The following RALGPS2 variants were observed in gnomAD, a reference collection of about 807,000 sequenced individuals.
RALGPS2 encodes Ral GEF with PH domain and SH3 binding motif 2, also known as ras-specific guanine nucleotide-releasing factor RalGPS2.
In RALGPS2, 43 loss-of-function variants were observed where a neutral mutation model predicts 86.8. The ratio of observed to expected loss-of-function variants is 0.50; its 90% CI spans 0.39 to 0.64. The LOEUF (loss-of-function observed/expected upper bound fraction) is 0.64. Among genes scored for constraint, RALGPS2 ranks in the 30% least tolerant of loss-of-function variants. The pLI is 0.00. For missense variants in RALGPS2, 536 were observed against 694.6 expected (o/e 0.77, Z 2.57); for synonymous variants, 243 against 231.3 (o/e 1.05, Z -0.46).
chr1:178,868,204 A>G (rs1486627338), intron 8 of RALGPS2, among the ~76,000 whole-genome samples: 1 of 151,952 alleles, frequency 6.6e-6, no homozygotes, highest in Non-Finnish European at 1.5e-5. Flanking sequence ...ATAGACTTTT[A>G]CTATGTAGGA....
At chr1:178,901,803 G>GA (rs1248421744) in intron 17 of RALGPS2, among the ~76,000 whole-genome samples, 5 of 151,318 alleles carry the variant, frequency 3.3e-5, no homozygotes, top group Admixed American at 6.6e-5. Flanking sequence ...CAGTAATTCA[G>GA]AAAAAAAACA....
At chr1:178,810,926 G>C (rs985968557) in intron 5 of RALGPS2, among the ~76,000 whole-genome samples, 1 of 151,878 alleles carries the variant, frequency 6.6e-6, no homozygotes, top group African/African-American at 2.4e-5. Context: ...ATTCAGAGTA[G>C]AGCATTATCA....
chr1:178,853,566 T>C, intron 8 of RALGPS2: 1 of 1,496,428 alleles, frequency 6.7e-7, no homozygotes, highest in Non-Finnish European at 8.9e-7. Flanking sequence ...TTTGTTTTAC[T>C]TCCCTTAGGT....
At chr1:178,797,616 A>G (rs1654257929) in intron 4 of RALGPS2, among the ~76,000 whole-genome samples, 1 of 152,202 alleles carries the variant, frequency 6.6e-6, no homozygotes, top group Non-Finnish European at 1.5e-5. Context: ...AGTCCCATTT[A>G]CTTACTCTTC....
intron 1 of RALGPS2, among the ~76,000 whole-genome samples, chr1:178,750,405 C>T (rs1285057768): frequency 6.6e-6 from 1 of 152,242 alleles, no homozygotes; most frequent in East Asian, 1.9e-4. Context: ...CCACCAGTGT[C>T]TCCTCTTTGG....
At chr1:178,910,270 T>C (rs1353860822) in intron 19 of RALGPS2, among the ~76,000 whole-genome samples, 1 of 152,174 alleles carries the variant, frequency 6.6e-6, no homozygotes, top group Non-Finnish European at 1.5e-5. Context: ...GTCTGATTGC[T>C]CTGGCTGGGA....
At chr1:178,740,461 A>T (rs1369208647) in intron 1 of RALGPS2, among the ~76,000 whole-genome samples, 1 of 152,220 alleles carries the variant, frequency 6.6e-6, no homozygotes, top group South Asian at 2.1e-4. Flanking sequence ...CATGGAGTTA[A>T]TTTACCATTG....
Position 178,785,599 on chromosome 1 carries a change from C to G in RALGPS2, c.205C>G (p.Gln69Glu). 6.3e-7 allele frequency: 1 copy of G among 1,581,332 alleles called. No individual in the cohort carries two copies. The highest frequency in any genetic ancestry group is 1.2e-5 in the South Asian group (1 of 84,852). ...GGATGTTCCAGTATTTAAAGCTATT[C>G]AACCAGATGTAAGTAGTTTTGAGAA... ...LMDVPVFKAI[Q>E]PDELSSCGWN... The change falls in exon 4 of 20, where the codon CAA (glutamine) becomes GAA (glutamate). Residue 69 changes from glutamine (Q) to glutamate (E), a missense_variant. By Grantham distance (29) the Gln-to-Glu change is conservative. Transcript: ENST00000367635.
At chr1:178,861,780 AT>A (rs928197649) in intron 8 of RALGPS2, among the ~76,000 whole-genome samples, 7 of 151,922 alleles carry the variant, frequency 4.6e-5, no homozygotes, top group Admixed American at 2.0e-4. Context: ...ATCAAAAGCA[AT>A]TTTTTTTCTG....
chr1:178,815,337 G>A (rs1013974355), intron 6 of RALGPS2, among the ~76,000 whole-genome samples: 1 of 151,788 alleles, frequency 6.6e-6, no homozygotes, highest in Non-Finnish European at 1.5e-5. Context: ...CTCCCATCTC[G>A]GCCTCCCAAA....
intron 1 of RALGPS2, 47 bp from the exon 2 acceptor site, chr1:178,776,635 T>C: frequency 1.7e-6 from 1 of 604,928 alleles, no homozygotes; most frequent in Non-Finnish European, 2.7e-6. Flanking sequence ...AGTTGTTTTC[T>C]TGAACTTCGA....
chr1:178,873,988 C>A (rs1442607217), intron 8 of RALGPS2, among the ~76,000 whole-genome samples: 1 of 152,114 alleles, frequency 6.6e-6, no homozygotes. Context: ...TCTCGCCATT[C>A]TCCTGCCTCA....
intron 8 of RALGPS2, among the ~76,000 whole-genome samples, chr1:178,843,993 A>G (rs555574788): frequency 1.1e-4 from 16 of 152,328 alleles, no homozygotes; most frequent in Non-Finnish European, 2.2e-4. Flanking sequence ...ATTAAAACAT[A>G]CATGGTTTTG....
intron 4 of RALGPS2, among the ~76,000 whole-genome samples, chr1:178,796,446 C>T (rs575485134): frequency 6.6e-5 from 10 of 152,256 alleles, no homozygotes; most frequent in African/African-American, 2.4e-4. Flanking sequence ...AAGCTGTCCT[C>T]TTTTGAGCAC....
intron 1 of RALGPS2, among the ~76,000 whole-genome samples, chr1:178,761,481 G>C (rs1652238147): frequency 6.6e-6 from 1 of 151,556 alleles, no homozygotes; most frequent in South Asian, 2.1e-4. Context: ...GGGTTTGTTT[G>C]AGAGTCTCGT....
intron 4 of RALGPS2, among the ~76,000 whole-genome samples, chr1:178,786,591 G>A (rs1412140415): frequency 6.6e-6 from 1 of 151,674 alleles, no homozygotes; most frequent in Non-Finnish European, 1.5e-5. Flanking sequence ...AGGAAACAGT[G>A]ACAATTGTCT....
chr1:178,815,459 G>C (rs1655181089), intron 6 of RALGPS2, among the ~76,000 whole-genome samples: 1 of 152,046 alleles, frequency 6.6e-6, no homozygotes, highest in African/African-American at 2.4e-5. Context: ...CATGTATCTT[G>C]CTATTTGTAG....
At chr1:178,894,137 A>G in intron 16 of RALGPS2, 113 bp downstream of exon 16, 1 of 617,946 alleles carries the variant, frequency 1.6e-6, no homozygotes, top group Non-Finnish European at 2.7e-6. Flanking sequence ...TAGACTTGAA[A>G]TAATATTAAA....
At chr1:178,911,027 G>A (rs1052733659) in intron 19 of RALGPS2, among the ~76,000 whole-genome samples, 2 of 151,956 alleles carry the variant, frequency 1.3e-5, no homozygotes, top group Non-Finnish European at 2.9e-5. Flanking sequence ...ATTTCTTTTA[G>A]GTTTTCTAGT....
Sources: allele counts gnomAD v4.1 joint callset (sites outside exome capture counted in the v4.1 genomes callset), GRCh38; gene constraint gnomAD v4.1.1; transcripts MANE v1.5; gene names NCBI Gene and HGNC (gene_info 2026-07-23, HGNC 2026-07-21).